Variants in RUNDC3B observed in about 807,000 individuals in gnomAD.
The protein encoded by RUNDC3B is RUN domain-containing protein 3B.
In RUNDC3B, 33 loss-of-function variants were observed where a neutral mutation model predicts 58.4. The ratio of observed to expected loss-of-function variants is 0.56; its 90% CI spans 0.43 to 0.75. The LOEUF is 0.75. Ranked by LOEUF, RUNDC3B falls within the 30% of genes least tolerant of loss-of-function variation. The probability of loss-of-function intolerance (pLI) is 0.00; values close to 1 mark genes in which losing one functional copy is unlikely to be tolerated. For synonymous variants in RUNDC3B, 193 were observed against 195.2 expected (o/e 0.99, Z 0.10); for missense variants, 501 against 535.7 (o/e 0.94, Z 0.64).
intron 4 of RUNDC3B, among the ~76,000 whole-genome samples, chr7:87,737,054 C>T (rs986921999): frequency 9.3e-5 from 14 of 150,732 alleles, no homozygotes; most frequent in Admixed American, 8.0e-4. Context: ...TGTGCCACCA[C>T]GTCTGGCTAA....
intron 4 of RUNDC3B, among the ~76,000 whole-genome samples, chr7:87,733,553 A>G (rs1353976889): frequency 2.0e-5 from 3 of 152,222 alleles, no homozygotes; most frequent in Admixed American, 2.0e-4. Flanking sequence ...ACAGATCATA[A>G]TCTGATAAGG....
intron 2 of RUNDC3B, among the ~76,000 whole-genome samples, chr7:87,695,834 C>T (rs1437738944): frequency 6.6e-6 from 1 of 152,038 alleles, no homozygotes; most frequent in Non-Finnish European, 1.5e-5. Context: ...AAACAAAACA[C>T]AGACATATTG....
chr7:87,705,899 T>G (rs1013788852), intron 3 of RUNDC3B, among the ~76,000 whole-genome samples: 1 of 152,192 alleles, frequency 6.6e-6, no homozygotes, highest in East Asian at 1.9e-4. Context: ...GATTTCAAGT[T>G]CAAGAAATCC....
At chr7:87,708,979 T>A (rs1829841445) in intron 3 of RUNDC3B, among the ~76,000 whole-genome samples, 1 of 152,210 alleles carries the variant, frequency 6.6e-6, no homozygotes, top group Admixed American at 6.5e-5. Context: ...ACTGAAAACA[T>A]CTAAATTCCT....
At chr7:87,751,824 G>T (rs945804130) in intron 6 of RUNDC3B, among the ~76,000 whole-genome samples, 1 of 152,152 alleles carries the variant, frequency 6.6e-6, no homozygotes, top group East Asian at 1.9e-4. Flanking sequence ...CTGCAAACAG[G>T]GACAATTTGA....
intron 8 of RUNDC3B, among the ~76,000 whole-genome samples, chr7:87,806,893 T>A (rs1337326442): frequency 6.6e-6 from 1 of 152,136 alleles, no homozygotes; most frequent in Non-Finnish European, 1.5e-5. Context: ...GATTTTTTTA[T>A]TTTATATTTT....
chr7:87,821,430 A>G (rs1837425954), intron 10 of RUNDC3B, among the ~76,000 whole-genome samples: 1 of 152,244 alleles, frequency 6.6e-6, no homozygotes, highest in Non-Finnish European at 1.5e-5. Context: ...GCTCATGGGT[A>G]GGAAGAGTCA....
At chr7:87,794,188 G>A (rs1835683133) in intron 8 of RUNDC3B, among the ~76,000 whole-genome samples, 1 of 152,210 alleles carries the variant, frequency 6.6e-6, no homozygotes, top group Non-Finnish European at 1.5e-5. Context: ...TGTAATCCCA[G>A]CACTTTGGGA....
intron 8 of RUNDC3B, among the ~76,000 whole-genome samples, chr7:87,783,817 G>A (rs1027508334): frequency 2.6e-5 from 4 of 152,156 alleles, no homozygotes; most frequent in Admixed American, 6.5e-5. Flanking sequence ...TAAGAATGCT[G>A]AAAATATGTT....
At chr7:87,681,427 A>C (rs957179374) in intron 2 of RUNDC3B, among the ~76,000 whole-genome samples, 1 of 150,822 alleles carries the variant, frequency 6.6e-6, no homozygotes, top group African/African-American at 2.5e-5. Flanking sequence ...AGACTAATTC[A>C]ATAAAGTAAA....
chr7:87,825,187 C>A (rs887138276), intron 10 of RUNDC3B, among the ~76,000 whole-genome samples: 1 of 151,924 alleles, frequency 6.6e-6, no homozygotes, highest in Non-Finnish European at 1.5e-5. Flanking sequence ...ACACCACACT[C>A]CAGCCTGGGT....
intron 1 of RUNDC3B, among the ~76,000 whole-genome samples, chr7:87,637,395 A>G (rs1821888697): frequency 1.3e-5 from 2 of 152,122 alleles, no homozygotes; most frequent in African/African-American, 4.8e-5. Context: ...TATCTTGGCT[A>G]TTCTTGGCCT....
At chr7:87,701,349 T>C (rs1473254615) in intron 3 of RUNDC3B, among the ~76,000 whole-genome samples, 1 of 152,224 alleles carries the variant, frequency 6.6e-6, no homozygotes, top group Non-Finnish European at 1.5e-5. Context: ...AGCTTTTAAG[T>C]AAAAACTAGA....
At chr7:87,747,624 C>G (rs1407989284) in intron 6 of RUNDC3B, among the ~76,000 whole-genome samples, 1 of 152,056 alleles carries the variant, frequency 6.6e-6, no homozygotes, top group Non-Finnish European at 1.5e-5. Flanking sequence ...CTAGGCGTGT[C>G]TGAGCTCAGA....
intron 1 of RUNDC3B, among the ~76,000 whole-genome samples, chr7:87,632,065 G>A (rs1821274840): frequency 6.6e-6 from 1 of 150,778 alleles, no homozygotes; most frequent in South Asian, 2.1e-4. Context: ...CTTTGATTTT[G>A]TAATTCTCTG....
intron 6 of RUNDC3B, among the ~76,000 whole-genome samples, chr7:87,742,838 G>A (rs1832415104): frequency 6.6e-6 from 1 of 152,076 alleles, no homozygotes; most frequent in Non-Finnish European, 1.5e-5. Context: ...CTAAGGCCGG[G>A]CACAGTGGCT....
Position 87,739,835 on chromosome 7 carries a change from A to G in RUNDC3B, c.503A>G (p.Asn168Ser), listed in dbSNP as rs1305756728. Residue 168 changes from asparagine (N) to serine (S), a missense_variant, in exon 5 of 11, where the codon AAT becomes AGT. Transcript: ENST00000394654. ...DGAIVLGEEA[N>S]MLAGMLLGLN... ...GCAATTGTCTTGGGTGAAGAAGCAA[A>G]TATGCTTGCTGGCATGCTTCTAGGA... 2 of 1,600,734 alleles carry G rather than the reference A, an allele frequency of 1.2e-6. No homozygotes were observed. Among genetic ancestry groups the G allele is most frequent in the Non-Finnish European group, 1.7e-6 (2 of 1,170,630 alleles).
At chr7:87,780,717 G>A (rs1834877913) in intron 8 of RUNDC3B, among the ~76,000 whole-genome samples, 1 of 152,132 alleles carries the variant, frequency 6.6e-6, no homozygotes, top group African/African-American at 2.4e-5. Context: ...AGCTATCACA[G>A]CACCACTTAT....
intron 2 of RUNDC3B, among the ~76,000 whole-genome samples, chr7:87,680,274 C>T (rs1347860031): frequency 1.3e-5 from 2 of 150,556 alleles, no homozygotes; most frequent in Admixed American, 1.3e-4. Flanking sequence ...TCCAGTCTAT[C>T]ATTGATAGAC....
Sources: allele counts gnomAD v4.1 joint callset (sites outside exome capture counted in the v4.1 genomes callset), GRCh38; gene constraint gnomAD v4.1.1; transcripts MANE v1.5; gene names NCBI Gene and HGNC (gene_info 2026-07-23, HGNC 2026-07-21).